The following PUS7 variants were observed in gnomAD, a reference collection of about 807,000 sequenced individuals.
PUS7 encodes the protein pseudouridylate synthase 7 homolog.
In PUS7, 48 loss-of-function variants were observed where a neutral mutation model predicts 79.8. That is an observed-to-expected ratio of 0.60 (90% CI 0.48 to 0.76). The LOEUF (loss-of-function observed/expected upper bound fraction) is 0.76, where lower values mean the gene tolerates loss of function less well. Among genes scored for constraint, PUS7 ranks in the 30% least tolerant of loss-of-function variants. The pLI, the probability that PUS7 is intolerant of heterozygous loss-of-function variation, is 0.00. For synonymous variants in PUS7, 286 were observed against 272.2 expected, an observed-to-expected ratio of 1.05 and a Z score of -0.50; for missense variants, 729 against 797.6, an observed-to-expected ratio of 0.91 and a Z score of 1.04.
At chr7:105,475,017 T>C (rs1047971300) in intron 9 of PUS7, among the ~76,000 whole-genome samples, 4 of 152,300 alleles carry the variant, frequency 2.6e-5, no homozygotes, top group African/African-American at 9.6e-5. Context: ...CAGAAAACCT[T>C]TGCCAACACC....
chr7:105,520,046 G>C (rs895222655), intron 1 of PUS7, among the ~76,000 whole-genome samples: 4 of 152,202 alleles, frequency 2.6e-5, no homozygotes, highest in Non-Finnish European at 5.9e-5. Context: ...GTTCAAGGCC[G>C]GGTGTGATGG....
intron 15 of PUS7, among the ~76,000 whole-genome samples, chr7:105,458,631 G>A (rs1823288880): frequency 6.8e-6 from 1 of 146,554 alleles, no homozygotes; most frequent in Admixed American, 6.9e-5. Flanking sequence ...GGAGTGCAGT[G>A]GCGTGATCTT....
intron 11 of PUS7, 133 bp from the exon 12 acceptor site, chr7:105,468,596 T>C (rs1823754897): frequency 1.4e-5 from 10 of 701,890 alleles, no homozygotes; most frequent in Non-Finnish European, 2.0e-5. Flanking sequence ...AGGCTCATTG[T>C]AGCCTCCACC....
chr7:105,512,076 C>T (rs564110001), intron 1 of PUS7, among the ~76,000 whole-genome samples: 45 of 130,030 alleles, frequency 3.5e-4, no homozygotes, highest in African/African-American at 1.2e-3. Context: ...ACCTGGGAGG[C>T]GGACGTTGCA....
At chr7:105,458,440 T>G (rs1306642298) in intron 15 of PUS7, among the ~76,000 whole-genome samples, 3 of 151,320 alleles carry the variant, frequency 2.0e-5, no homozygotes, top group Non-Finnish European at 4.4e-5. Flanking sequence ...TTTTTTTTTG[T>G]ATTTTCAGTA....
chr7:105,478,196 T>A (rs1451636936), intron 9 of PUS7, among the ~76,000 whole-genome samples: 2 of 152,210 alleles, frequency 1.3e-5, no homozygotes, highest in Non-Finnish European at 2.9e-5. Flanking sequence ...TTCCACTGTA[T>A]ATTATTGTAT....
chr7:105,488,788 TA>T (rs1562803380), intron 7 of PUS7, among the ~76,000 whole-genome samples: 1 of 152,110 alleles, frequency 6.6e-6, no homozygotes, highest in Non-Finnish European at 1.5e-5. Flanking sequence ...ATGTTGTGAA[TA>T]AGGTGATCTC....
At chr7:105,508,034 G>C (rs560120857) in intron 2 of PUS7, 81 bp downstream of exon 2, 2 of 1,446,474 alleles carry the variant, frequency 1.4e-6, no homozygotes, top group Admixed American at 5.2e-5. Context: ...GGAAAGCTAA[G>C]TGGAAGAATA....
At chr7:105,475,753 T>A (rs1824082508) in intron 9 of PUS7, among the ~76,000 whole-genome samples, 1 of 152,178 alleles carries the variant, frequency 6.6e-6, no homozygotes, top group South Asian at 2.1e-4. Context: ...ATTAAGTGCA[T>A]TTACACTGTC....
In PUS7 at chr7:105,457,974, C is replaced by A. The variant is rs550320105; in HGVS notation, c.1850-48G>T. 3.1e-5 allele frequency: 49 copies of A among 1,595,002 alleles called. No homozygotes were observed. The South Asian group carries it at 5.5e-4, about 18-fold the overall frequency. On this transcript the variant is annotated intron_variant, in intron 15 of 15. Coordinates refer to ENST00000469408, the MANE Select transcript of PUS7 (RefSeq NM_019042.5). ...GTCAGAAAATGAAGGCAGCTGCAGA[C>A]AGACCAGCGAGAGTCACATAATCTC...
intron 5 of PUS7, among the ~76,000 whole-genome samples, chr7:105,501,366 A>G (rs1418540737): frequency 6.6e-6 from 1 of 152,086 alleles, no homozygotes; most frequent in Admixed American, 6.6e-5. Context: ...TGTAATTTTC[A>G]TTTAAATTTT....
chr7:105,484,044 C>T (rs994465038), intron 7 of PUS7, among the ~76,000 whole-genome samples: 15 of 152,168 alleles, frequency 9.9e-5, no homozygotes, highest in African/African-American at 3.6e-4. Flanking sequence ...TTCAATGCAT[C>T]ACATCAAAAG....
intron 9 of PUS7, among the ~76,000 whole-genome samples, chr7:105,474,125 ATTAAT>A (rs1434876037): frequency 6.6e-6 from 1 of 152,174 alleles, no homozygotes; most frequent in Non-Finnish European, 1.5e-5. Context: ...ATCCCCTTCT[ATTAAT>A]TTTTCTGTTT....
chr7:105,495,946 G>C (rs1824995438), intron 5 of PUS7, among the ~76,000 whole-genome samples: 1 of 151,886 alleles, frequency 6.6e-6, no homozygotes, highest in Admixed American at 6.6e-5. Flanking sequence ...GATCACCTGA[G>C]GTCAGGAGTT....
chr7:105,485,886 C>T (rs1046329166), intron 7 of PUS7, among the ~76,000 whole-genome samples: 3 of 152,094 alleles, frequency 2.0e-5, no homozygotes, highest in African/African-American at 7.2e-5. Context: ...ACCTCTGCTT[C>T]GTGGGCTTAC....
chr7:105,500,079 G>A (rs2133215803), intron 5 of PUS7, among the ~76,000 whole-genome samples: 1 of 152,280 alleles, frequency 6.6e-6, no homozygotes, highest in South Asian at 2.1e-4. Context: ...AGATGGCAGA[G>A]ATTTAGTCCA....
intron 9 of PUS7, among the ~76,000 whole-genome samples, chr7:105,472,805 G>A (rs2133086044): frequency 6.6e-6 from 1 of 152,052 alleles, no homozygotes; most frequent in African/African-American, 2.4e-5. Context: ...CCAGGCTGGA[G>A]TGCAATGATG....
At chr7:105,478,973 A>C (rs1411058306) in intron 9 of PUS7, among the ~76,000 whole-genome samples, 4 of 152,318 alleles carry the variant, frequency 2.6e-5, no homozygotes, top group African/African-American at 9.6e-5. Flanking sequence ...TCCTTCTGCC[A>C]AATTAATTAC....
intron 7 of PUS7, among the ~76,000 whole-genome samples, chr7:105,483,058 T>C (rs1475915174): frequency 2.6e-5 from 4 of 152,178 alleles, no homozygotes. Flanking sequence ...AAATTTTCAT[T>C]AGAAATTCCT....
Sources: allele counts gnomAD v4.1 joint callset (sites outside exome capture counted in the v4.1 genomes callset), GRCh38; gene constraint gnomAD v4.1.1; transcripts MANE v1.5; gene names NCBI Gene and HGNC (gene_info 2026-07-23, HGNC 2026-07-21).